TNRC6B: variants seen among roughly 807,000 people sequenced by gnomAD.
The protein encoded by TNRC6B is trinucleotide repeat containing adaptor 6B, also known as trinucleotide repeat-containing gene 6B protein.
TNRC6B carries 52 observed loss-of-function variants against 203.6 expected under a neutral mutation model. The observed-to-expected ratio is 0.26, with a 90% confidence interval of 0.20 to 0.32. The LOEUF is 0.32. TNRC6B is among the 10% of genes least tolerant of loss of function. The pLI, the probability that TNRC6B is intolerant of heterozygous loss-of-function variation, is 1.00. For synonymous variants in TNRC6B, 838 were observed against 845.7 expected (o/e 0.99, Z 0.16); for missense variants, 1,923 against 2,286.2 (o/e 0.84, Z 3.24).
chr22:40,322,151 C>T (rs1285229553), intron 22 of TNRC6B, among the ~76,000 whole-genome samples: 3 of 152,204 alleles, frequency 2.0e-5, no homozygotes, highest in African/African-American at 7.2e-5. Flanking sequence ...TCATAACTCA[C>T]ATGGGGAAAG....
intron 1 of TNRC6B, among the ~76,000 whole-genome samples, chr22:40,070,728 A>G (rs1264833059): frequency 6.6e-6 from 1 of 152,204 alleles, no homozygotes; most frequent in African/African-American, 2.4e-5. Context: ...TTAGGTTCAC[A>G]ATTCCTTATC....
At chr22:40,171,949 C>T (rs2069004197) in intron 4 of TNRC6B, among the ~76,000 whole-genome samples, 1 of 152,148 alleles carries the variant, frequency 6.6e-6, no homozygotes, top group Non-Finnish European at 1.5e-5. Context: ...CAGCCTCCGC[C>T]TCCTGGGTTC....
At chr22:40,298,498 T>C (rs980175649) in intron 12 of TNRC6B, among the ~76,000 whole-genome samples, 10 of 152,226 alleles carry the variant, frequency 6.6e-5, no homozygotes, top group Admixed American at 2.0e-4. Context: ...ATTTGAAGAA[T>C]CAGCCTGTGG....
At chr22:40,309,171 G>A (rs1314870841) in intron 16 of TNRC6B, among the ~76,000 whole-genome samples, 5 of 152,256 alleles carry the variant, frequency 3.3e-5, no homozygotes, top group Admixed American at 6.5e-5. Flanking sequence ...CTTTGGTCGT[G>A]ATGTTGGTCG....
At chr22:40,142,264 G>T (rs1224412338) in intron 3 of TNRC6B, among the ~76,000 whole-genome samples, 1 of 147,492 alleles carries the variant, frequency 6.8e-6, no homozygotes, top group Non-Finnish European at 1.5e-5. Flanking sequence ...TCTCCACTAT[G>T]TTGCCCAGGC....
At chr22:40,047,973 C>T (rs1419895898) in intron 1 of TNRC6B, among the ~76,000 whole-genome samples, 1 of 152,152 alleles carries the variant, frequency 6.6e-6, no homozygotes, top group Non-Finnish European at 1.5e-5. Context: ...TTTAGTTTAA[C>T]AGGACAATAA....
rs763074852 is a variant in TNRC6B, at chr22:40,285,716, A to T, written c.3654A>T (p.Leu1218=). Residue 1218 remains leucine (L), a synonymous_variant, in exon 12 of 23, where the codon CTA becomes CTT. Coordinates refer to ENST00000454349, the MANE Select transcript of TNRC6B (RefSeq NM_001162501.2). The part of the protein sequence containing the change: ...SRGLHTPVQP[L]NSSPSLRAQV... The stretch of plus-strand genomic sequence containing the variant: ...GTCTGCACACACCCGTGCAGCCACT[A>T]AATTCTTCTCCCAGTCTCCGGGCGC... 2 of 1,614,006 alleles carry T rather than the reference A, an allele frequency of 1.2e-6. No individual in the cohort carries two copies. The highest frequency in any genetic ancestry group is 3.3e-5 in the Admixed American group (2 of 60,016).
chr22:40,272,471 T>A (rs1479331042), intron 6 of TNRC6B, among the ~76,000 whole-genome samples: 1 of 152,190 alleles, frequency 6.6e-6, no homozygotes, highest in Non-Finnish European at 1.5e-5. Context: ...CATATAAAGC[T>A]ATGTACAAAT....
intron 1 of TNRC6B, among the ~76,000 whole-genome samples, chr22:40,202,244 T>G (rs551427003): frequency 2.7e-5 from 4 of 148,552 alleles, no homozygotes; most frequent in Admixed American, 1.3e-4. Context: ...TGTGTATGTG[T>G]TGTTGTTGTT....
chr22:40,272,183 TCAGCAGCACTTC>T (rs1162899765), intron 6 of TNRC6B, among the ~76,000 whole-genome samples: 1 of 152,164 alleles, frequency 6.6e-6, no homozygotes, highest in Non-Finnish European at 1.5e-5. Context: ...GTCCTGGTTA[TCAGCAGCACTTC>T]CAGCAGCAGG....
At position 40,266,780 on chromosome 22, in the gene TNRC6B, C is replaced by G; in HGVS notation, c.2550C>G (p.Asn850Lys). ...GCCCACCCCCACCACCTCCAGGCAACGTTCGACCTTCCAATTCCAGCTGGA... is the reference window on the plus strand; with the variant it reads ...GCCCACCCCCACCACCTCCAGGCAAGGTTCGACCTTCCAATTCCAGCTGGA... ...WGGPPPPPPG[N>K]VRPSNSSWSS... Residue 850 changes from asparagine to lysine, a missense_variant, in exon 5 of 23, where the codon AAC (asparagine) becomes AAG (lysine). Physicochemically the swap from Asn to Lys is moderately conservative, Grantham distance 94. Transcript: ENST00000454349. 1 of 1,613,486 alleles carries G rather than the reference C, an allele frequency of 6.2e-7. No individual in the cohort carries two copies. The highest frequency in any genetic ancestry group is 8.5e-7 in the Non-Finnish European group (1 of 1,179,642).
intron 2 of TNRC6B, among the ~76,000 whole-genome samples, chr22:40,117,664 G>A (rs755360029): frequency 2.6e-5 from 4 of 151,722 alleles, no homozygotes; most frequent in East Asian, 1.9e-4. Context: ...GTATTTTTTC[G>A]TGGCTTTGTG....
chr22:40,115,167 T>C (rs1262472655), intron 1 of TNRC6B, among the ~76,000 whole-genome samples: 6 of 152,108 alleles, frequency 3.9e-5, no homozygotes, highest in Admixed American at 2.0e-4. Context: ...AGTGACATGG[T>C]CTCTTTCTAG....
chr22:40,225,891 G>A (rs765475688), intron 1 of TNRC6B, among the ~76,000 whole-genome samples: 3 of 152,122 alleles, frequency 2.0e-5, no homozygotes, highest in Admixed American at 6.6e-5. Context: ...TGAACTGTGT[G>A]TATAGAGACT....
chr22:40,179,395 G>C (rs1448816210), intron 1 of TNRC6B, among the ~76,000 whole-genome samples: 2 of 152,006 alleles, frequency 1.3e-5, no homozygotes, highest in African/African-American at 4.8e-5. Flanking sequence ...GAGAGGCCTT[G>C]TTTTCTTTTC....
Position 40,171,025 on chromosome 22 carries a change from T to C in TNRC6B, c.113+14843T>C, listed in dbSNP as rs138519842. On this transcript the variant is annotated intron_variant, in intron 4 of 23. Coordinates refer to the TNRC6B transcript ENST00000301923. ...TACACATATACCTATATATGACATA[T>C]ACACCTATATAGGTGTATATATATA... Among the ~76,000 whole-genome samples the C allele has an allele frequency of 4.6e-3, 460 of 99,238 alleles. 2 individuals carry two copies. Among genetic ancestry groups the C allele is most frequent in the African/African-American group, 0.019 (332 of 17,910 alleles). 65.1% of individuals were successfully genotyped at this position (99,238 alleles called of 152,430 possible). A position where few individuals can be genotyped will look rare whatever the true frequency, so the allele number is the denominator to read the frequency against.
chr22:40,266,320 G>C lies in TNRC6B; in HGVS notation c.2090G>C (p.Gly697Ala), dbSNP rs768004927. The C allele has an allele frequency of 1.2e-6, 2 of 1,600,288 alleles. No homozygotes were observed. The highest frequency in any genetic ancestry group is 1.3e-5 in the African/African-American group (1 of 74,704). The change falls in exon 5 of 23, where the codon GGC becomes GCC. Residue 697 changes from glycine to alanine, a missense_variant. By Grantham distance (60) the Gly-to-Ala change is moderately conservative (BLOSUM62 0). Around this residue, in one of 8 missense-constraint regions of TNRC6B, gnomAD observed 599 missense variants for 656.5 expected, o/e 0.91. Coordinates refer to ENST00000454349, the MANE Select transcript of TNRC6B (RefSeq NM_001162501.2). ...TGGAAAGACCCCAAGAACACAGGAGGCTGGAATGACTACAAGAACAACAAC... is the reference window on the plus strand; with the variant it reads ...TGGAAAGACCCCAAGAACACAGGAGCCTGGAATGACTACAAGAACAACAAC... ...TEWKDPKNTG[G>A]WNDYKNNNSS...
At chr22:40,280,265 C>T in intron 10 of TNRC6B, 122 bp downstream of exon 10, 1 of 908,408 alleles carries the variant, frequency 1.1e-6, no homozygotes. Context: ...AAAACACAAA[C>T]ATCACCTGCA....
rs199704338 is a variant in TNRC6B, at chr22:40,066,891, C to CTT, written c.-121+21906_-121+21907dup. On this transcript the variant is annotated intron_variant, in intron 1 of 23. Transcript: ENST00000301923. ...ACTCTTAACTGTGGAAGCTTCTTTT[C>CTT]TTTTTTTTTTTTTTCTTTTTAAATT... Among the ~76,000 whole-genome samples, 21 of 138,382 alleles carry CTT rather than the reference C, an allele frequency of 1.5e-4. 2 individuals are homozygous for CTT. Among genetic ancestry groups the CTT allele is most frequent in the Admixed American group, 1.1e-3 (15 of 13,862 alleles). 90.8% of individuals were successfully genotyped at this position (138,382 alleles called of 152,430 possible).
Sources: allele counts gnomAD v4.1 joint callset (sites outside exome capture counted in the v4.1 genomes callset), GRCh38; gene constraint gnomAD v4.1.1; regional missense constraint gnomAD v4.1.1; transcripts MANE v1.5; gene names NCBI Gene and HGNC (gene_info 2026-07-23, HGNC 2026-07-21).